USP13: variants seen among roughly 807,000 people sequenced by gnomAD.
The protein encoded by USP13 is ubiquitin specific peptidase 13.
In USP13, 68 loss-of-function variants were observed where a neutral mutation model predicts 107.8. The observed-to-expected ratio is 0.63, with a 90% CI of 0.52 to 0.77. USP13 has a LOEUF of 0.77. Ranked by LOEUF, USP13 falls within the 30% of genes least tolerant of loss-of-function variation. The pLI is 0.00. For missense variants in USP13, 945 were observed against 1,093.3 expected (o/e 0.86, Z 1.91); for synonymous variants, 377 against 389.5 (o/e 0.97, Z 0.38).
At chr3:179,735,906 G>T (rs1361704716) in intron 10 of USP13, among the ~76,000 whole-genome samples, 1 of 152,066 alleles carries the variant, frequency 6.6e-6, no homozygotes, top group Non-Finnish European at 1.5e-5. Context: ...TGGGCACAGT[G>T]GCGTGTGTCT....
Position 179,721,608 on chromosome 3 carries a change from G to C in USP13, c.1088+19G>C. The C allele has an allele frequency of 6.2e-7, 1 of 1,610,820 alleles. No homozygotes were observed. Among genetic ancestry groups the C allele is most frequent in the Non-Finnish European group, 8.5e-7 (1 of 1,179,012 alleles). On this transcript the variant is annotated intron_variant, in intron 8 of 20. Coordinates refer to ENST00000263966, the MANE Select transcript of USP13 (RefSeq NM_003940.3). The surrounding 1 kb of genome is among the most constrained non-coding windows in gnomAD (Gnocchi z 4.3). The stretch of plus-strand genomic sequence containing the variant: ...AGAGAGCGTAAGTGCCTTCCATGCA[G>C]ACCAGGGCACGCGGCACCTCCCTGC...
intron 6 of USP13, among the ~76,000 whole-genome samples, chr3:179,717,730 G>T (rs1713157706): frequency 6.6e-6 from 1 of 152,012 alleles, no homozygotes; most frequent in Non-Finnish European, 1.5e-5. Flanking sequence ...TACTGTTGAT[G>T]TATTTGTTTC....
At chr3:179,756,314 T>C (rs1234187315) in intron 15 of USP13, among the ~76,000 whole-genome samples, 2 of 152,080 alleles carry the variant, frequency 1.3e-5, no homozygotes, top group Non-Finnish European at 2.9e-5. Context: ...TCCCAGCTAC[T>C]CAGGAGGCTG....
intron 19 of USP13, among the ~76,000 whole-genome samples, chr3:179,771,678 G>A (rs559477949): frequency 6.6e-6 from 1 of 152,294 alleles, no homozygotes; most frequent in Admixed American, 6.5e-5. Flanking sequence ...CTGGGACTTT[G>A]TCACACCAGG....
intron 1 of USP13, among the ~76,000 whole-genome samples, chr3:179,655,282 G>A (rs1720217691): frequency 6.6e-6 from 1 of 152,138 alleles, no homozygotes; most frequent in Admixed American, 6.5e-5. Context: ...TGGATAACAG[G>A]TGTGGGAAAA....
intron 1 of USP13, among the ~76,000 whole-genome samples, chr3:179,658,190 G>A (rs1237478687): frequency 3.9e-5 from 6 of 152,204 alleles, no homozygotes; most frequent in East Asian, 3.9e-4. Context: ...TCCTGACCTC[G>A]TGATCCGCCC....
chr3:179,663,263 C>G (rs1330314948), intron 1 of USP13, among the ~76,000 whole-genome samples: 1 of 152,202 alleles, frequency 6.6e-6, no homozygotes, highest in Non-Finnish European at 1.5e-5. Context: ...TTGACTGATT[C>G]ATTTCACTTG....
Position 179,765,689 on chromosome 3 carries a change from TG to T in USP13, c.2260-5del. 6.2e-7 allele frequency: 1 copy of T among 1,613,768 alleles called. No individual in the cohort carries two copies. Among genetic ancestry groups the T allele is most frequent in the Non-Finnish European group, 8.5e-7 (1 of 1,179,834 alleles). On this transcript the variant is annotated splice_region_variant and splice_polypyrimidine_tract_variant and intron_variant, in intron 18 of 20. Transcript: ENST00000263966. ...GTAAAAACATCTGTTTCTTTTTTGT[TG>T]TTAGAATAATAACCTGGAAAGAGCA...
intron 1 of USP13, among the ~76,000 whole-genome samples, chr3:179,671,960 T>C (rs1381527591): frequency 6.6e-6 from 1 of 152,202 alleles, no homozygotes; most frequent in African/African-American, 2.4e-5. Context: ...TCTGTAGTTA[T>C]AAAAACAAGT....
rs551689744 is a variant in USP13 at position 179,763,861 on chromosome 3, C to T, written c.2093-141C>T. On this transcript the variant is annotated intron_variant, in intron 17 of 20. Coordinates refer to ENST00000263966, the MANE Select transcript of USP13 (RefSeq NM_003940.3). ...TTGGCCTCCCAAAGTGCTGGGATTA[C>T]AGGCATGAGCCACTGCGCCTGGCCC... 5.5e-5 allele frequency: 63 copies of T among 1,147,398 alleles called. No individual in the cohort carries two copies. In the East Asian group the frequency reaches 1.3e-3, roughly 24 times the overall value. The allele number at this position is 1,147,398 out of a possible 1,614,324, so 71.1% of individuals were successfully genotyped here. A position where few individuals can be genotyped will look rare whatever the true frequency, so the allele number is the denominator to read the frequency against.
chr3:179,698,139 C>T lies in USP13; in HGVS notation c.356-2869C>T, dbSNP rs541325568. 9.9e-5 allele frequency among the ~76,000 whole-genome samples: 15 copies of T among 152,256 alleles called. No individual in the cohort carries two copies. The South Asian group carries it at 2.1e-3, about 21-fold the overall frequency. Reference sequence around the variant, plus strand: ...GAACATAGGAGGTAAGACTCATTTCCGGCTCTCTGAGCTGACAGTCTAGAA... The same window carrying T: ...GAACATAGGAGGTAAGACTCATTTCTGGCTCTCTGAGCTGACAGTCTAGAA... On this transcript the variant is annotated intron_variant, in intron 3 of 20. Transcript: ENST00000263966.
At position 179,757,151 on chromosome 3, in the gene USP13, C is replaced by G. The variant is rs944140168; in HGVS notation, c.1948+73C>G. On this transcript the variant is annotated intron_variant, in intron 16 of 20. Coordinates refer to ENST00000263966, the MANE Select transcript of USP13 (RefSeq NM_003940.3). ...TCTGATGAATTTGTCTGTGAAAGTT[C>G]AGTAAAGAGGCATTGTTCTGTACGT... 15 of 1,535,654 alleles carry G rather than the reference C, an allele frequency of 9.8e-6. No individual in the cohort carries two copies. The African/African-American group carries it at 2.1e-4, about 21-fold the overall frequency.
At chr3:179,654,789 G>A (rs1273810715) in intron 1 of USP13, among the ~76,000 whole-genome samples, 1 of 152,202 alleles carries the variant, frequency 6.6e-6, no homozygotes, top group African/African-American at 2.4e-5. Context: ...TCTGTGGGTT[G>A]ATTTTGGCTG....
Position 179,777,443 on chromosome 3 carries a change from C to CTT in USP13, c.2414-4277_2414-4276dup, listed in dbSNP as rs11317182. Reference sequence around the variant, plus strand: ...GGGGTATTGTATCCTCTCTCTCTCTCTTTTTTTTTTTTTTTTTTTTCTTTT... The same window carrying CTT: ...GGGGTATTGTATCCTCTCTCTCTCTCTTTTTTTTTTTTTTTTTTTTTTCTTTT... On this transcript the variant is annotated intron_variant, in intron 19 of 20. Coordinates refer to ENST00000263966, the MANE Select transcript of USP13 (RefSeq NM_003940.3). Among the ~76,000 whole-genome samples, 261 of 113,704 alleles carry CTT rather than the reference C, an allele frequency of 2.3e-3. 1 individual carries two copies. Among genetic ancestry groups the CTT allele is most frequent in the Non-Finnish European group, 2.4e-3 (140 of 57,538 alleles). 74.6% of individuals were successfully genotyped at this position (113,704 alleles called of 152,430 possible).
intron 19 of USP13, among the ~76,000 whole-genome samples, chr3:179,769,534 A>G (rs1560081139): frequency 6.6e-6 from 1 of 152,104 alleles, no homozygotes; most frequent in East Asian, 1.9e-4. Context: ...CAGCCTCTCG[A>G]GTAACTGGCA....
intron 4 of USP13, among the ~76,000 whole-genome samples, chr3:179,705,852 A>G (rs1162140574): frequency 1.3e-5 from 2 of 152,056 alleles, no homozygotes; most frequent in Non-Finnish European, 2.9e-5. Context: ...TCTCCTGAGT[A>G]GCTGGGACTA....
chr3:179,695,708 C>T (rs1712300401), intron 3 of USP13, among the ~76,000 whole-genome samples: 1 of 152,096 alleles, frequency 6.6e-6, no homozygotes, highest in Non-Finnish European at 1.5e-5. Context: ...TTTTCCCCTC[C>T]CTTCCCTGTA....
chr3:179,715,332 T>G (rs1490717292), intron 6 of USP13, among the ~76,000 whole-genome samples: 1 of 151,748 alleles, frequency 6.6e-6, no homozygotes, highest in Non-Finnish European at 1.5e-5. Flanking sequence ...AGATCCTACA[T>G]GCTGGCCTCA....
chr3:179,723,865 A>G (rs935662738), intron 8 of USP13, among the ~76,000 whole-genome samples: 4 of 152,010 alleles, frequency 2.6e-5, no homozygotes, highest in Admixed American at 6.6e-5. Context: ...AGAAAAAGTG[A>G]CTCAGGGCCT....
Sources: gnomAD v4.1 joint callset for allele counts (sites outside exome capture counted in the v4.1 genomes callset) on GRCh38, gnomAD v4.1.1 for gene constraint, Gnocchi (gnomAD v3.1) non-coding constraint, MANE v1.5 for transcripts, NCBI Gene and HGNC (gene_info 2026-07-23, HGNC 2026-07-21) for gene names.